GTPBP6: variants seen among roughly 807,000 people sequenced by gnomAD.
GTPBP6 encodes putative GTP-binding protein 6.
GTPBP6 carries 33 observed loss-of-function variants against 28.9 expected under a neutral mutation model. The ratio of observed to expected loss-of-function variants is 1.14; its 90% CI spans 0.87 to 1.53. GTPBP6 has a LOEUF of 1.53. Ranked by LOEUF, GTPBP6 falls within the 40% of genes most tolerant of loss-of-function variation. The probability of loss-of-function intolerance (pLI) is 0.00; values close to 1 mark genes in which losing one functional copy is unlikely to be tolerated. For missense variants in GTPBP6, 507 were observed against 408.3 expected, an observed-to-expected ratio of 1.24 and a Z score of -2.08; for synonymous variants, 231 against 192.7, an observed-to-expected ratio of 1.20 and a Z score of -1.65.
chrX:314,258 G>A lies in GTPBP6; in HGVS notation c.690-41C>T, dbSNP rs754599265. The A allele has an allele frequency of 3.9e-6, 6 of 1,527,382 alleles. No individual in the cohort carries two copies. In the East Asian group the frequency reaches 6.8e-5, roughly 17 times the overall value. The allele number at this position is 1,527,382 out of a possible 1,614,324, so 94.6% of individuals were successfully genotyped here. A position where few individuals can be genotyped will look rare whatever the true frequency, so the allele number is the denominator to read the frequency against. Reference sequence around the variant, plus strand: ...GAGTGGCTCGGTCTCTGCGGACGCTGTCTCCCTCCCGGCAGAGGTCGAGGT... The same window carrying A: ...GAGTGGCTCGGTCTCTGCGGACGCTATCTCCCTCCCGGCAGAGGTCGAGGT... On this transcript the variant is annotated intron_variant, in intron 4 of 9. Coordinates refer to ENST00000326153, the Ensembl canonical transcript of GTPBP6.
intron 7 of GTPBP6, among the ~76,000 whole-genome samples, chrX:308,347 C>A (rs1485233780): frequency 6.6e-6 from 1 of 152,130 alleles, no homozygotes; most frequent in Non-Finnish European, 1.5e-5. Flanking sequence ...AAAAATAAAG[C>A]CGTGTGTAAT....
intron 7 of GTPBP6, among the ~76,000 whole-genome samples, chrX:311,072 C>A (rs1241109811): frequency 6.6e-6 from 1 of 152,098 alleles, no homozygotes; most frequent in Non-Finnish European, 1.5e-5. Flanking sequence ...AAGAACATGG[C>A]CCTGAGTGTC....
At chrX:305,053 C>G in exon 10 of GTPBP6, 4 of 1,610,518 alleles carry the variant, frequency 2.5e-6, no homozygotes, top group Non-Finnish European at 3.4e-6. Context: ...CCCCACCCCG[C>G]AGGCCTCTGT....
chrX:312,569 C>A (rs1274919798), intron 6 of GTPBP6, 197 bp downstream of exon 6: 2 of 710,488 alleles, frequency 2.8e-6, no homozygotes, highest in Non-Finnish European at 5.1e-6. Context: ...CACAGGAAAC[C>A]CGTCTCCTGG....
At chrX:316,229 A>T (rs2070436837) in intron 2 of GTPBP6, among the ~76,000 whole-genome samples, 1 of 20,662 alleles carries the variant, frequency 4.8e-5, no homozygotes, top group Non-Finnish European at 1.3e-4. Context: ...ACATCCCAGC[A>T]GGGACACAAA....
exon 10 of GTPBP6, chrX:305,161 G>T: frequency 6.2e-7 from 1 of 1,613,642 alleles, no homozygotes; most frequent in Non-Finnish European, 8.5e-7. Context: ...CAGGGATCAC[G>T]TCCACCTCCT....
chrX:304,993 A>T (rs1442835341), exon 10 of GTPBP6: 1 of 1,564,284 alleles, frequency 6.4e-7, no homozygotes, highest in Non-Finnish European at 8.7e-7. Context: ...ACCTGACACC[A>T]AGCTGCCCCC....
chrX:318,562 C>T (rs2070483293), exon 1 of GTPBP6: 1 of 398,460 alleles, frequency 2.5e-6, no homozygotes, highest in Non-Finnish European at 4.4e-6. Context: ...TTCTCGTCCG[C>T]ATCTTCCGGC....
chrX:307,449 C>G, exon 9 of GTPBP6: 2 of 1,612,124 alleles, frequency 1.2e-6, no homozygotes, highest in Middle Eastern at 1.8e-4. Flanking sequence ...CAGCTTTCAG[C>G]TCCTGGAGCC....
At chrX:308,821 G>A (rs1178325497) in intron 7 of GTPBP6, among the ~76,000 whole-genome samples, 6 of 140,676 alleles carry the variant, frequency 4.3e-5, no homozygotes, top group South Asian at 2.3e-4. Flanking sequence ...TGCAAGCTCC[G>A]CCTCCCGGGT....
chrX:316,632 G>A (rs2124477939), intron 2 of GTPBP6, among the ~76,000 whole-genome samples: 1 of 152,246 alleles, frequency 6.6e-6, no homozygotes, highest in South Asian at 2.1e-4. Flanking sequence ...GTTACAGCCG[G>A]TCCACCGCCT....
At position 307,844 on chromosome X, in the gene GTPBP6, C is replaced by A. The variant is rs778705836; in HGVS notation, c.1162G>T (p.Glu388Ter). ...ACGCTGCATTTCTGGAGCTCCGCCTCGGGGTGGCTGACGTCCCTCACGTGC... is the reference window on the plus strand; with the variant it reads ...ACGCTGCATTTCTGGAGCTCCGCCTAGGGGTGGCTGACGTCCCTCACGTGC... The change falls in exon 8 of 10, where the codon GAG (glutamate) becomes TAG (stop). Residue 388 changes from glutamate to a stop codon, truncating the protein, a stop_gained. Coordinates refer to ENST00000326153, the Ensembl canonical transcript of GTPBP6. LOFTEE classifies it high-confidence loss of function. 16 of 1,542,098 alleles carry A rather than the reference C, an allele frequency of 1.0e-5. No homozygotes were observed. Among genetic ancestry groups the A allele is most frequent in the African/African-American group, 1.4e-5 (1 of 72,200 alleles).
chrX:318,466 C>A, exon 1 of GTPBP6: 3 of 398,592 alleles, frequency 7.5e-6, no homozygotes. Context: ...TTCCCCGGGC[C>A]CCACTTGACG....
In GTPBP6 at chrX:305,384, C is replaced by G. The variant is rs190487642; in HGVS notation, c.1428-187G>C. Among the ~76,000 whole-genome samples the G allele has an allele frequency of 7.4e-3, 1,102 of 149,232 alleles. 28 individuals carry two copies. The highest frequency in any genetic ancestry group is 5.7e-3 in the Non-Finnish European group (387 of 67,822). On this transcript the variant is annotated intron_variant, in intron 9 of 9. Coordinates refer to ENST00000326153, the Ensembl canonical transcript of GTPBP6. ...TCGCGTAGGCTGGAGTGCAGTGGCG[C>G]GATCTCAGCTCACTGCAAGCTCCAC...
chrX:318,412 C>T (rs1447036902), intron 1 of GTPBP6, 27 bp downstream of exon 1: 3 of 330,328 alleles, frequency 9.1e-6, no homozygotes, highest in Admixed American at 4.9e-5. Context: ...GCTCCTGTTT[C>T]TCCCCCGAAA....
chrX:308,375 C>T (rs1310339587), intron 7 of GTPBP6, among the ~76,000 whole-genome samples: 1 of 152,116 alleles, frequency 6.6e-6, no homozygotes, highest in Non-Finnish European at 1.5e-5. Context: ...CTTATACTAC[C>T]GGGGTATCCA....
chrX:308,765 C>T (rs1216277761), intron 7 of GTPBP6, among the ~76,000 whole-genome samples: 3 of 139,762 alleles, frequency 2.1e-5, no homozygotes, highest in South Asian at 2.3e-4. Flanking sequence ...AGACGAGTCT[C>T]GCTCTGTCAC....
In GTPBP6 at chrX:317,158, G is replaced by A. The variant is rs1411554980; in HGVS notation, c.350-107C>T. 1.8e-5 allele frequency: 7 copies of A among 398,170 alleles called. No homozygotes were observed. The South Asian group carries it at 3.8e-4, about 22-fold the overall frequency. The allele number at this position is 398,170 out of a possible 1,614,324, so 24.7% of individuals were successfully genotyped here. A position where few individuals can be genotyped will look rare whatever the true frequency, so the allele number is the denominator to read the frequency against. On this transcript the variant is annotated intron_variant, in intron 1 of 9. Coordinates refer to ENST00000326153, the Ensembl canonical transcript of GTPBP6. ...CCCTTGAGACAATCTCCCCGGAGAA[G>A]GCACCTTGAGCCGCCGTTTGTCCCC...
At chrX:307,938 T>G in intron 7 of GTPBP6, 58 bp from the exon 8 acceptor site, 2 of 1,407,052 alleles carry the variant, frequency 1.4e-6, no homozygotes, top group South Asian at 1.7e-5. Context: ...ACCCCAAGCT[T>G]GCAGACAGGC....
Sources: gnomAD v4.1 joint callset for allele counts (sites outside exome capture counted in the v4.1 genomes callset) on GRCh38, gnomAD v4.1.1 for gene constraint, MANE v1.5 for transcripts, NCBI Gene and HGNC (gene_info 2026-07-23, HGNC 2026-07-21) for gene names.